Variants in SETBP1 observed in about 807,000 individuals in gnomAD.
SETBP1 encodes the protein SET binding protein 1.
In SETBP1, 9 loss-of-function variants were observed where a neutral mutation model predicts 101.0. The observed-to-expected ratio is 0.09, with a 90% CI of 0.05 to 0.16. The LOEUF is 0.16. Among genes scored for constraint, SETBP1 ranks in the 10% least tolerant of loss-of-function variants. The probability of loss-of-function intolerance (pLI) is 1.00; values close to 1 mark genes in which losing one functional copy is unlikely to be tolerated. For missense variants in SETBP1, 1,858 were observed against 2,033.8 expected (o/e 0.91, Z 1.66); for synonymous variants, 818 against 788.5 (o/e 1.04, Z -0.63).
chr18:44,849,712 T>C (rs896836234), intron 2 of SETBP1, among the ~76,000 whole-genome samples: 1 of 151,740 alleles, frequency 6.6e-6, no homozygotes, highest in Admixed American at 6.6e-5. Flanking sequence ...GCTCTCATCT[T>C]CATCACTTTC....
intron 2 of SETBP1, among the ~76,000 whole-genome samples, chr18:44,836,044 G>A (rs536715424): frequency 4.4e-4 from 67 of 152,118 alleles, no homozygotes; most frequent in Non-Finnish European, 3.4e-4. Flanking sequence ...CACGGACAAC[G>A]ATCCTGTCCA....
At chr18:44,783,948 A>G (rs1164854107) in intron 2 of SETBP1, among the ~76,000 whole-genome samples, 1 of 152,190 alleles carries the variant, frequency 6.6e-6, no homozygotes, top group Non-Finnish European at 1.5e-5. Context: ...AAGTCATCTC[A>G]AGAAAAGAAG....
intron 4 of SETBP1, among the ~76,000 whole-genome samples, chr18:44,985,686 A>G (rs2072216179): frequency 1.3e-5 from 2 of 152,040 alleles, no homozygotes; most frequent in South Asian, 4.1e-4. Context: ...GTCAGTAATC[A>G]CTCTGTAATC....
chr18:44,724,654 T>C (rs1715703203), intron 2 of SETBP1, among the ~76,000 whole-genome samples: 1 of 151,892 alleles, frequency 6.6e-6, no homozygotes, highest in South Asian at 2.1e-4. Flanking sequence ...TGGAGTGGAG[T>C]GTCTGGGCTG....
chr18:44,980,680 C>T (rs1472988174), intron 4 of SETBP1, among the ~76,000 whole-genome samples: 1 of 152,164 alleles, frequency 6.6e-6, no homozygotes, highest in Non-Finnish European at 1.5e-5. Flanking sequence ...TGCTCACCTT[C>T]ACTGAAGGCA....
chr18:44,820,780 A>G lies in SETBP1; in HGVS notation c.487-48450A>G, dbSNP rs111342192. On this transcript the variant is annotated intron_variant, in intron 2 of 5. Coordinates refer to ENST00000649279, the MANE Select transcript of SETBP1 (RefSeq NM_015559.3). ...CCATGTCTAGCACAGTGCCTGGCAC[A>G]TGGAAATTGCTCAGTTAACACTTGT... Among the ~76,000 whole-genome samples the G allele has an allele frequency of 5.2e-3, 794 of 152,346 alleles. 3 individuals carry two copies. The highest frequency in any genetic ancestry group is 0.018 in the African/African-American group (769 of 41,576).
intron 3 of SETBP1, among the ~76,000 whole-genome samples, chr18:44,888,810 T>C (rs2069705956): frequency 1.3e-5 from 2 of 152,236 alleles, no homozygotes; most frequent in East Asian, 1.9e-4. Context: ...TGACAACCAG[T>C]CTTTTTTGGG....
chr18:44,803,696 C>G (rs2071661036), intron 2 of SETBP1, among the ~76,000 whole-genome samples: 1 of 152,118 alleles, frequency 6.6e-6, no homozygotes, highest in Admixed American at 6.6e-5. Flanking sequence ...TCTTTTCTCT[C>G]TGTATTCTTT....
At position 44,952,885 on chromosome 18, in the gene SETBP1, C is replaced by G. The variant is rs759815249; in HGVS notation, c.3545C>G (p.Ser1182Cys). 2.5e-6 allele frequency: 4 copies of G among 1,614,182 alleles called. No individual in the cohort carries two copies. Among genetic ancestry groups the G allele is most frequent in the Non-Finnish European group, 2.5e-6 (3 of 1,180,042 alleles). Residue 1182 changes from serine (S) to cysteine (C), a missense_variant, in exon 4 of 6, where the codon TCC (serine) becomes TGC (cysteine). By Grantham distance (112) the Ser-to-Cys change is moderately radical (BLOSUM62 -1). Transcript: ENST00000649279. Reference sequence around the variant, plus strand: ...TTTGCAGGCAAAGCCACAGGCTTCTCCAGCCACATCCTGAGCGAGCGGCTG... The same window carrying G: ...TTTGCAGGCAAAGCCACAGGCTTCTGCAGCCACATCCTGAGCGAGCGGCTG... ...GLFAGKATGFSSHILSERLSS... is the reference protein window; with the variant it reads ...GLFAGKATGFCSHILSERLSS...
intron 3 of SETBP1, among the ~76,000 whole-genome samples, chr18:44,897,237 A>G (rs974787222): frequency 6.6e-6 from 1 of 152,222 alleles, no homozygotes; most frequent in African/African-American, 2.4e-5. Flanking sequence ...CTGTGGCCAC[A>G]TAACTCACTT....
chr18:44,888,593 G>C (rs906470406), intron 3 of SETBP1, among the ~76,000 whole-genome samples: 2 of 152,082 alleles, frequency 1.3e-5, no homozygotes, highest in Admixed American at 1.3e-4. Flanking sequence ...CATTTCCCCA[G>C]ACTTACCTTG....
chr18:45,027,110 CA>C (rs1468674273), intron 4 of SETBP1, among the ~76,000 whole-genome samples: 6 of 152,112 alleles, frequency 3.9e-5, no homozygotes, highest in Non-Finnish European at 8.8e-5. Context: ...ATAACCTTTC[CA>C]CTATAGAATC....
chr18:45,054,041 C>T (rs1400002871), intron 5 of SETBP1, among the ~76,000 whole-genome samples: 4 of 152,200 alleles, frequency 2.6e-5, no homozygotes, highest in African/African-American at 7.2e-5. Context: ...TCCATGTTGT[C>T]TCATCAGTGT....
At chr18:44,718,862 A>G (rs1037228649) in intron 2 of SETBP1, among the ~76,000 whole-genome samples, 20 of 152,142 alleles carry the variant, frequency 1.3e-4, no homozygotes, top group Non-Finnish European at 7.4e-5. Context: ...TAGTATCTCA[A>G]CTAGGACAGA....
chr18:44,918,737 TA>T (rs767908589), intron 3 of SETBP1, among the ~76,000 whole-genome samples: 1 of 152,216 alleles, frequency 6.6e-6, no homozygotes, highest in Non-Finnish European at 1.5e-5. Context: ...AAGATGTACA[TA>T]AAAACATTTG....
chr18:44,767,206 G>C (rs541576433), intron 2 of SETBP1, among the ~76,000 whole-genome samples: 1 of 152,352 alleles, frequency 6.6e-6, no homozygotes, highest in Non-Finnish European at 1.5e-5. Flanking sequence ...AAGCACAGAT[G>C]ATGCGCTCAT....
intron 2 of SETBP1, among the ~76,000 whole-genome samples, chr18:44,821,151 G>C (rs1240911295): frequency 1.3e-5 from 2 of 152,174 alleles, no homozygotes; most frequent in East Asian, 3.9e-4. Flanking sequence ...AGTGGCCTCA[G>C]GCATAATCTC....
chr18:44,956,510 A>G (rs963720660), intron 4 of SETBP1, among the ~76,000 whole-genome samples: 2 of 152,154 alleles, frequency 1.3e-5, no homozygotes, highest in Non-Finnish European at 2.9e-5. Context: ...AAGCACCTGC[A>G]CTTTCTACAA....
intron 3 of SETBP1, among the ~76,000 whole-genome samples, chr18:44,874,140 T>G (rs559456820): frequency 6.6e-6 from 1 of 152,360 alleles, no homozygotes; most frequent in South Asian, 2.1e-4. Context: ...GTCATCATGT[T>G]ATTTCACTAA....
Sources: gnomAD v4.1 joint callset for allele counts (sites outside exome capture counted in the v4.1 genomes callset) on GRCh38, gnomAD v4.1.1 for gene constraint, MANE v1.5 for transcripts, NCBI Gene and HGNC (gene_info 2026-07-23, HGNC 2026-07-21) for gene names.